Variants in AR observed in about 807,000 individuals in gnomAD.
AR encodes dihydrotestosterone receptor.
In AR, 8 loss-of-function variants were observed where a neutral mutation model predicts 53.9. That is an observed-to-expected ratio of 0.15 (90% CI 0.09 to 0.27). The LOEUF (loss-of-function observed/expected upper bound fraction) is 0.27, where lower values mean the gene tolerates loss of function less well. AR is among the 10% of genes least tolerant of loss of function. The pLI, the probability that AR is intolerant of heterozygous loss-of-function variation, is 1.00. For synonymous variants in AR, 359 were observed against 316.4 expected, an observed-to-expected ratio of 1.13 and a Z score of -1.43; for missense variants, 639 against 742.5, an observed-to-expected ratio of 0.86 and a Z score of 1.62.
At chrX:67,585,028 G>A (rs1922471822) in intron 1 of AR, among the ~76,000 whole-genome samples, 1 of 111,353 alleles carries the variant, frequency 9.0e-6, no homozygotes, top group Non-Finnish European at 1.9e-5. Flanking sequence ...GGTTGAGATG[G>A]GTGGATCACC....
chrX:67,664,885 G>A (rs996779134), intron 2 of AR, among the ~76,000 whole-genome samples: 4 of 112,632 alleles, frequency 3.6e-5, no homozygotes, highest in East Asian at 2.8e-4. Context: ...AGCAATGAGC[G>A]AGGCTCTGTG....
chrX:67,717,445 G>C (rs1324605655), intron 4 of AR, 33 bp from the exon 5 acceptor site: 1 of 1,209,892 alleles, frequency 8.3e-7, no homozygotes, highest in Admixed American at 2.2e-5. Flanking sequence ...TCAGTACCCA[G>C]ACTGACCACT....
At chrX:67,591,483 C>A (rs1948292000) in intron 1 of AR, among the ~76,000 whole-genome samples, 1 of 111,473 alleles carries the variant, frequency 9.0e-6, no homozygotes, top group African/African-American at 3.3e-5. Flanking sequence ...GGCTTGGTTC[C>A]CTTCTCCTAC....
At chrX:67,628,030 AT>A (rs1308425799) in intron 1 of AR, among the ~76,000 whole-genome samples, 11 of 111,398 alleles carry the variant, frequency 9.9e-5, no homozygotes, top group Admixed American at 9.5e-4. Context: ...TGCTGTTTTG[AT>A]TACTGTAGCC....
intron 1 of AR, among the ~76,000 whole-genome samples, chrX:67,627,348 T>C (rs1273519156): frequency 1.8e-5 from 2 of 112,139 alleles, no homozygotes; most frequent in South Asian, 3.7e-4. Flanking sequence ...TGATATCTCA[T>C]TGTGGTTTTG....
chrX:67,617,177 A>G (rs1924162733), intron 1 of AR, among the ~76,000 whole-genome samples: 2 of 111,663 alleles, frequency 1.8e-5, no homozygotes, highest in African/African-American at 6.5e-5. Flanking sequence ...GGAGTTAATG[A>G]AATATATCTA....
At chrX:67,595,724 G>A (rs1206059390) in intron 1 of AR, among the ~76,000 whole-genome samples, 1 of 109,895 alleles carries the variant, frequency 9.1e-6, no homozygotes, top group Non-Finnish European at 1.9e-5. Context: ...CGAGTTGGGA[G>A]GATTGCTTGA....
At position 67,649,789 on chromosome X, in the gene AR, T is replaced by C. The variant is rs776180968; in HGVS notation, c.1768+6382T>C. 4.9e-3 allele frequency among the ~76,000 whole-genome samples: 551 copies of C among 112,292 alleles called. 2 individuals are homozygous for C. The highest frequency in any genetic ancestry group is 8.4e-3 in the Non-Finnish European group (448 of 53,276). On this transcript the variant is annotated intron_variant, in intron 2 of 7. Transcript: ENST00000374690. ...TTCTGGATATTAGCCCTTTGTCAGA[T>C]GGATAGATTGCGAAAATTTTCTCTC...
intron 2 of AR, among the ~76,000 whole-genome samples, chrX:67,646,141 A>T (rs1926046203): frequency 8.9e-6 from 1 of 111,920 alleles, no homozygotes; most frequent in Admixed American, 9.5e-5. Flanking sequence ...TACAGGACTT[A>T]AAAGCCTGGC....
intron 3 of AR, among the ~76,000 whole-genome samples, chrX:67,698,886 G>A (rs1444799233): frequency 1.8e-5 from 2 of 111,501 alleles, no homozygotes; most frequent in East Asian, 5.7e-4. Context: ...CAGTTTGGAG[G>A]GTTCACTGTG....
chrX:67,686,573 C>G (rs1450777135), intron 3 of AR, among the ~76,000 whole-genome samples: 1 of 111,406 alleles, frequency 9.0e-6, no homozygotes, highest in Non-Finnish European at 1.9e-5. Flanking sequence ...GGGAATATCC[C>G]TTAGCTAACT....
At chrX:67,646,162 G>T (rs1261215291) in intron 2 of AR, among the ~76,000 whole-genome samples, 1 of 111,730 alleles carries the variant, frequency 9.0e-6, no homozygotes, top group African/African-American at 3.3e-5. Flanking sequence ...ATCTCAGACA[G>T]AAATATGTTT....
intron 1 of AR, among the ~76,000 whole-genome samples, chrX:67,559,592 G>C (rs185317548): frequency 8.9e-6 from 1 of 112,105 alleles, no homozygotes; most frequent in Non-Finnish European, 1.9e-5. Context: ...GCAGGCTACT[G>C]CAAAAATCTG....
At chrX:67,662,402 C>T (rs1602235262) in intron 2 of AR, among the ~76,000 whole-genome samples, 1 of 110,316 alleles carries the variant, frequency 9.1e-6, no homozygotes, top group Admixed American at 9.7e-5. Context: ...TCTTTGTTCT[C>T]ATTGGTTTCA....
chrX:67,596,586 C>G (rs1187883389), intron 1 of AR, among the ~76,000 whole-genome samples: 1 of 111,929 alleles, frequency 8.9e-6, no homozygotes, highest in African/African-American at 3.3e-5. Context: ...TTCTGCCTTC[C>G]TCAGTGTGTT....
At chrX:67,550,813 T>C (rs935711340) in intron 1 of AR, among the ~76,000 whole-genome samples, 2 of 109,797 alleles carry the variant, frequency 1.8e-5, no homozygotes, top group African/African-American at 6.6e-5. Context: ...TCCACTCCTT[T>C]CATGTTTTTG....
rs2076163692 is a variant in AR at position 67,727,784 on chromosome X, G to A, written c.*3943G>A. 1 of 172,361 alleles carries A rather than the reference G, an allele frequency of 5.8e-6. No individual in the cohort carries two copies. Among genetic ancestry groups the A allele is most frequent in the Non-Finnish European group, 1.1e-5 (1 of 90,310 alleles). The allele number at this position is 172,361 out of a possible 1,213,427, so 14.2% of individuals were successfully genotyped here. ...ATTATCTTGTGCCAGTTGCCCAGGTGAGAGGGCACTGGGCCAAGGGAGTGG... is the reference window on the plus strand; with the variant it reads ...ATTATCTTGTGCCAGTTGCCCAGGTAAGAGGGCACTGGGCCAAGGGAGTGG... On this transcript the variant is annotated 3_prime_UTR_variant, in exon 8 of 8. Coordinates refer to ENST00000374690, the MANE Select transcript of AR (RefSeq NM_000044.6).
chrX:67,677,675 T>C (rs1310411977), intron 2 of AR, among the ~76,000 whole-genome samples: 29 of 111,423 alleles, frequency 2.6e-4, no homozygotes, highest in Admixed American at 2.6e-3. Flanking sequence ...ACAAAGCAAA[T>C]GTGCAGAAAA....
At chrX:67,666,308 G>A (rs1235360030) in intron 2 of AR, among the ~76,000 whole-genome samples, 1 of 111,445 alleles carries the variant, frequency 9.0e-6, no homozygotes, top group East Asian at 2.8e-4. Context: ...GTGAGAAAAT[G>A]CCAAGTTTGT....
Sources: gnomAD v4.1 joint callset for allele counts (sites outside exome capture counted in the v4.1 genomes callset) on GRCh38, gnomAD v4.1.1 for gene constraint, MANE v1.5 for transcripts, NCBI Gene and HGNC (gene_info 2026-07-23, HGNC 2026-07-21) for gene names.